The following SDK1 variants were observed in gnomAD, a reference collection of about 807,000 sequenced individuals.
SDK1 encodes the protein sidekick cell adhesion molecule 1.
A neutral mutation model predicts 245.5 loss-of-function variants in SDK1; 157 were observed. That is an observed-to-expected ratio of 0.64 (90% CI 0.56 to 0.73). The LOEUF is 0.73. Among genes scored for constraint, SDK1 ranks in the 30% least tolerant of loss-of-function variants. The pLI is 0.00. For synonymous variants in SDK1, 1,647 were observed against 1,278.5 expected (o/e 1.29, Z -6.15); for missense variants, 3,583 against 3,002.3 (o/e 1.19, Z -4.52).
chr7:4,093,127 A>G (rs1293374329), intron 22 of SDK1, among the ~76,000 whole-genome samples: 1 of 152,048 alleles, frequency 6.6e-6, no homozygotes, highest in Non-Finnish European at 1.5e-5. Context: ...AAAAAAAAGC[A>G]GCAGCTTTTA....
At chr7:3,996,571 T>C (rs1784711492) in intron 14 of SDK1, among the ~76,000 whole-genome samples, 1 of 152,226 alleles carries the variant, frequency 6.6e-6, no homozygotes, top group African/African-American at 2.4e-5. Context: ...TATACTTTTT[T>C]GTCAAGGTTG....
chr7:3,894,838 G>A (rs1171102484), intron 5 of SDK1, among the ~76,000 whole-genome samples: 1 of 151,342 alleles, frequency 6.6e-6, no homozygotes, highest in Non-Finnish European at 1.5e-5. Flanking sequence ...CTGGTGGCAC[G>A]TGCCACCATG....
intron 32 of SDK1, among the ~76,000 whole-genome samples, chr7:4,168,760 T>G (rs1781652843): frequency 6.6e-6 from 1 of 152,210 alleles, no homozygotes; most frequent in Non-Finnish European, 1.5e-5. Flanking sequence ...GAAGGTGACC[T>G]CAGGGCGAGG....
intron 13 of SDK1, among the ~76,000 whole-genome samples, chr7:3,979,052 T>C (rs1299299865): frequency 2.0e-5 from 3 of 152,214 alleles, no homozygotes; most frequent in Non-Finnish European, 4.4e-5. Flanking sequence ...ACAGCAGTCC[T>C]GATGGGGCTG....
chr7:3,972,383 G>A (rs550017183), intron 12 of SDK1, among the ~76,000 whole-genome samples: 1 of 152,074 alleles, frequency 6.6e-6, no homozygotes, highest in Non-Finnish European at 1.5e-5. Context: ...CCGGCCAAGG[G>A]TTCTCTAAAG....
Position 4,267,744 on chromosome 7 carries a change from T to G in SDK1, c.*2360T>G. ...GATACAACATCATGACACTTCTGTT[T>G]CAAGCTCATGTTTTCCGTCTCCCCT... On this transcript the variant is annotated 3_prime_UTR_variant, in exon 45 of 45. Coordinates refer to ENST00000404826, the MANE Select transcript of SDK1 (RefSeq NM_152744.4). 1 of 985,522 alleles carries G rather than the reference T, an allele frequency of 1.0e-6. No homozygotes were observed. The highest frequency in any genetic ancestry group is 1.2e-6 in the Non-Finnish European group (1 of 829,980). The allele number at this position is 985,522 out of a possible 1,614,324, so 61.0% of individuals were successfully genotyped here.
Position 4,174,317 on chromosome 7 carries a change from G to C in SDK1, c.4896G>C (p.Lys1632Asn), listed in dbSNP as rs548644074. The change falls in exon 33 of 45, where the codon AAG (lysine) becomes AAC (asparagine). Residue 1632 changes from lysine (K) to asparagine (N), a missense_variant. By Grantham distance (94) the Lys-to-Asn change is moderately conservative. Transcript: ENST00000404826. ...AAGCCGGGTCAGGCACTGAGGCCAA[G>C]ACGCTCAAAAACCCTATAGCTTTAC... ...EYEAGSGTEA[K>N]TLKNPIALHA... The C allele has an allele frequency of 3.1e-6, 5 of 1,613,936 alleles. No homozygotes were observed. In the African/African-American group the frequency reaches 6.7e-5, roughly 22 times the overall value.
At chr7:3,669,117 T>C (rs1319935042) in intron 4 of SDK1, among the ~76,000 whole-genome samples, 6 of 152,282 alleles carry the variant, frequency 3.9e-5, no homozygotes, top group Non-Finnish European at 8.8e-5. Flanking sequence ...AGTAGAATAT[T>C]AGGAGTGATA....
chr7:3,383,606 C>G (rs1223456752), intron 1 of SDK1, among the ~76,000 whole-genome samples: 2 of 152,110 alleles, frequency 1.3e-5, no homozygotes, highest in African/African-American at 4.8e-5. Context: ...ACTGGATGGT[C>G]TTGATATTTT....
intron 1 of SDK1, among the ~76,000 whole-genome samples, chr7:3,392,589 G>T (rs915932257): frequency 6.6e-6 from 1 of 152,112 alleles, no homozygotes; most frequent in African/African-American, 2.4e-5. Flanking sequence ...AACAGAAACT[G>T]CAACTTCTAA....
At chr7:3,905,816 G>A (rs992321154) in intron 5 of SDK1, among the ~76,000 whole-genome samples, 1 of 151,912 alleles carries the variant, frequency 6.6e-6, no homozygotes, top group Admixed American at 6.6e-5. Context: ...GGAGATAAGT[G>A]TCTTGCTATG....
At chr7:3,590,423 G>A (rs1780831745) in intron 1 of SDK1, among the ~76,000 whole-genome samples, 1 of 146,296 alleles carries the variant, frequency 6.8e-6, no homozygotes, top group African/African-American at 2.5e-5. Flanking sequence ...AGATTTTTTA[G>A]TTTTACATCA....
chr7:3,883,288 C>A (rs543990951), intron 5 of SDK1, among the ~76,000 whole-genome samples: 1 of 152,168 alleles, frequency 6.6e-6, no homozygotes, highest in Non-Finnish European at 1.5e-5. Flanking sequence ...AAGCTTAAGG[C>A]CTTGTATATA....
intron 19 of SDK1, among the ~76,000 whole-genome samples, chr7:4,060,918 T>C (rs2128170771): frequency 6.6e-6 from 1 of 151,996 alleles, no homozygotes. Flanking sequence ...CCATTGCTTG[T>C]TTTTCTCAGG....
intron 4 of SDK1, among the ~76,000 whole-genome samples, chr7:3,730,119 C>T (rs1438527153): frequency 6.6e-6 from 1 of 152,038 alleles, no homozygotes; most frequent in Non-Finnish European, 1.5e-5. Flanking sequence ...GAAAACAGCC[C>T]ACAGCTTAGG....
intron 25 of SDK1, among the ~76,000 whole-genome samples, chr7:4,124,432 GTGTC>G (rs1344964774): frequency 6.6e-6 from 1 of 152,122 alleles, no homozygotes. Context: ...CTCCCTGTGT[GTGTC>G]TGTCTCCTCC....
At chr7:3,490,948 G>C (rs1781846482) in intron 1 of SDK1, among the ~76,000 whole-genome samples, 1 of 152,196 alleles carries the variant, frequency 6.6e-6, no homozygotes, top group Admixed American at 6.5e-5. Flanking sequence ...TTCACTCTGT[G>C]TAACATTCAT....
At chr7:3,583,904 A>C (rs181420671) in intron 1 of SDK1, among the ~76,000 whole-genome samples, 753 of 152,238 alleles carry the variant, frequency 4.9e-3, no homozygotes, top group Non-Finnish European at 7.9e-3. Flanking sequence ...GAGCACAGAG[A>C]GGCCTTGTTT....
rs75957142 is a variant in SDK1, at chr7:4,059,490, A to G, written c.2911+7660A>G. On this transcript the variant is annotated intron_variant, in intron 19 of 44. Coordinates refer to ENST00000404826, the MANE Select transcript of SDK1 (RefSeq NM_152744.4). ...CAGGGAGAGACAGCAATACAATAAT[A>G]CTTGGGGACTTTAACATCCCCCTCT... Among the ~76,000 whole-genome samples, 675 of 152,348 alleles carry G rather than the reference A, an allele frequency of 4.4e-3. 6 individuals carry two copies. Among genetic ancestry groups the G allele is most frequent in the African/African-American group, 0.015 (641 of 41,588 alleles).
Sources: allele counts gnomAD v4.1 joint callset (sites outside exome capture counted in the v4.1 genomes callset), GRCh38; gene constraint gnomAD v4.1.1; transcripts MANE v1.5; gene names NCBI Gene and HGNC (gene_info 2026-07-23, HGNC 2026-07-21).